CLHC1: variants seen among roughly 807,000 people sequenced by gnomAD.
CLHC1 encodes the protein clathrin heavy chain linker domain-containing protein 1.
A neutral mutation model predicts 69.5 loss-of-function variants in CLHC1; 72 were observed. That is an observed-to-expected ratio of 1.04 (90% CI 0.86 to 1.26). The LOEUF (loss-of-function observed/expected upper bound fraction) is 1.26. Among genes scored for constraint, CLHC1 ranks in the 50% most tolerant of loss-of-function variants. CLHC1 has a pLI of 0.00. For missense variants in CLHC1, 790 were observed against 679.3 expected, an observed-to-expected ratio of 1.16 and a Z score of -1.81; for synonymous variants, 223 against 224.3, an observed-to-expected ratio of 0.99 and a Z score of 0.05.
chr2:55,176,493 G>C (rs1243001821), intron 12 of CLHC1, among the ~76,000 whole-genome samples: 1 of 152,132 alleles, frequency 6.6e-6, no homozygotes, highest in Admixed American at 6.5e-5. Context: ...TCTAGCTGGA[G>C]AACTCTTAAT....
intron 9 of CLHC1, among the ~76,000 whole-genome samples, chr2:55,192,233 C>T (rs1318259761): frequency 6.6e-6 from 1 of 152,050 alleles, no homozygotes; most frequent in Non-Finnish European, 1.5e-5. Flanking sequence ...GATTCTCCTG[C>T]TTCAGCCTCC....
chr2:55,188,603 T>C (rs940342352), intron 9 of CLHC1, among the ~76,000 whole-genome samples: 2 of 152,300 alleles, frequency 1.3e-5, no homozygotes, highest in African/African-American at 4.8e-5. Flanking sequence ...CTTAGATACA[T>C]ATCCCAGAGA....
At chr2:55,191,034 C>T (rs1283866350) in intron 9 of CLHC1, among the ~76,000 whole-genome samples, 3 of 152,098 alleles carry the variant, frequency 2.0e-5, no homozygotes, top group Non-Finnish European at 4.4e-5. Context: ...TAACATTTCT[C>T]GGCAAAAGTA....
At chr2:55,193,585 G>C (rs528389420) in intron 9 of CLHC1, among the ~76,000 whole-genome samples, 2 of 152,184 alleles carry the variant, frequency 1.3e-5, no homozygotes, top group South Asian at 4.1e-4. Flanking sequence ...AAACCACAAT[G>C]AGATACCACT....
rs372967964 is a variant in CLHC1, at chr2:55,222,455, T to C, written c.-44A>G. On this transcript the variant is annotated 5_prime_UTR_variant, in exon 3 of 13. Transcript: ENST00000401408. ...TTGTTCACTGAAGAACAGCTAAATCTTGACCTGCTCTTGCAACAAAGCCAA... is the reference window on the plus strand; with the variant it reads ...TTGTTCACTGAAGAACAGCTAAATCCTGACCTGCTCTTGCAACAAAGCCAA... The C allele has an allele frequency of 2.0e-6, 3 of 1,504,478 alleles. No homozygotes were observed. Among genetic ancestry groups the C allele is most frequent in the Non-Finnish European group, 2.7e-6 (3 of 1,108,048 alleles). 93.2% of individuals were successfully genotyped at this position (1,504,478 alleles called of 1,614,324 possible).
At chr2:55,188,582 G>C (rs1172674838) in intron 9 of CLHC1, among the ~76,000 whole-genome samples, 1 of 152,062 alleles carries the variant, frequency 6.6e-6, no homozygotes, top group African/African-American at 2.4e-5. Context: ...TTATGACTCA[G>C]AGAGTTCAAT....
intron 9 of CLHC1, among the ~76,000 whole-genome samples, chr2:55,190,180 G>A (rs534723906): frequency 3.0e-3 from 462 of 151,930 alleles, no homozygotes; most frequent in Non-Finnish European, 5.0e-3. Context: ...GAGTAGCTGG[G>A]ACTACAGGCG....
intron 9 of CLHC1, among the ~76,000 whole-genome samples, chr2:55,188,506 T>C (rs1456027746): frequency 1.3e-5 from 2 of 152,174 alleles, no homozygotes. Flanking sequence ...ATTGGGAATA[T>C]AAATTAATAC....
At chr2:55,229,913 A>C (rs1267047576) in intron 1 of CLHC1, among the ~76,000 whole-genome samples, 1 of 152,216 alleles carries the variant, frequency 6.6e-6, no homozygotes, top group African/African-American at 2.4e-5. Flanking sequence ...GTCTCTGCTA[A>C]AAATACAAAA....
intron 9 of CLHC1, among the ~76,000 whole-genome samples, chr2:55,198,818 T>A (rs1225454012): frequency 6.6e-6 from 1 of 152,120 alleles, no homozygotes; most frequent in Admixed American, 6.5e-5. Context: ...GCAGCAGACA[T>A]TTTAGTGGAA....
chr2:55,208,681 C>T lies in CLHC1; in HGVS notation c.844G>A (p.Glu282Lys). 1.9e-6 allele frequency: 3 copies of T among 1,611,970 alleles called. No individual in the cohort carries two copies. The highest frequency in any genetic ancestry group is 2.5e-6 in the Non-Finnish European group (3 of 1,178,254). The change falls in exon 8 of 13, where the codon GAA (glutamate) becomes AAA (lysine). Residue 282 changes from glutamate (E) to lysine (K), a missense_variant. Physicochemically the swap from Glu to Lys is moderately conservative, Grantham distance 56. Transcript: ENST00000401408. ...TCTTTTGCCCTGCGTGGATCATCTT[C>T]CATTAGTTCTTCAACAATGCCTTGG... ...GDQGIVEELM[E>K]DDPRRAKEAE...
intron 2 of CLHC1, among the ~76,000 whole-genome samples, 199 bp from the exon 3 acceptor site, chr2:55,222,692 G>A (rs1388599960): frequency 6.6e-6 from 1 of 152,084 alleles, no homozygotes; most frequent in Non-Finnish European, 1.5e-5. Flanking sequence ...GGCCGAGGCA[G>A]GTGGATCATC....
At chr2:55,199,543 A>G (rs1355066469) in intron 9 of CLHC1, among the ~76,000 whole-genome samples, 2 of 152,158 alleles carry the variant, frequency 1.3e-5, no homozygotes. Flanking sequence ...TGACAGTACA[A>G]TAAGATATAG....
intron 9 of CLHC1, among the ~76,000 whole-genome samples, chr2:55,190,526 G>A (rs1670825742): frequency 6.6e-6 from 1 of 152,220 alleles, no homozygotes; most frequent in South Asian, 2.1e-4. Context: ...AGGAAAGATG[G>A]AATATGTTAA....
chr2:55,204,382 T>C (rs1488185006), intron 9 of CLHC1, among the ~76,000 whole-genome samples: 1 of 152,172 alleles, frequency 6.6e-6, no homozygotes, highest in Non-Finnish European at 1.5e-5. Flanking sequence ...CATTGATCAT[T>C]AGAGACATAC....
chr2:55,212,761 T>C lies in CLHC1; in HGVS notation c.411A>G (p.Ile137Met), dbSNP rs1673134944. Residue 137 changes from isoleucine to methionine, a missense_variant, in exon 5 of 13, where the codon ATA becomes ATG. Coordinates refer to ENST00000401408, the MANE Select transcript of CLHC1 (RefSeq NM_152385.4). ...CTGCCCTACACTGCTTGATGTGATC[T>C]ATTTGAGATTGAATCTTCGAGGAAT... The part of the protein sequence containing the change: ...ESNSSKIQSQ[I>M]DHIKQCRAEY... 1.3e-6 allele frequency: 2 copies of C among 1,599,972 alleles called. No individual in the cohort carries two copies. The highest frequency in any genetic ancestry group is 8.6e-7 in the Non-Finnish European group (1 of 1,167,202).
chr2:55,172,712 A>G lies in CLHC1; in HGVS notation c.*3078T>C, dbSNP rs1669060349. Reference sequence around the variant, plus strand: ...GAAATGTACAAAGTTAAAAAAAAAAAAAAAGGCCTCTGCTATGATTTTTGA... The same window carrying G: ...GAAATGTACAAAGTTAAAAAAAAAAGAAAAGGCCTCTGCTATGATTTTTGA... On this transcript the variant is annotated 3_prime_UTR_variant, in exon 13 of 13. Transcript: ENST00000401408. Among the ~76,000 whole-genome samples the G allele has an allele frequency of 6.6e-6, 1 of 151,614 alleles. No homozygotes were observed. The highest frequency in any genetic ancestry group is 2.4e-5 in the African/African-American group (1 of 41,410).
intron 9 of CLHC1, among the ~76,000 whole-genome samples, chr2:55,188,123 G>A (rs1670588483): frequency 6.6e-6 from 1 of 152,086 alleles, no homozygotes; most frequent in Non-Finnish European, 1.5e-5. Flanking sequence ...AGACCAGCCT[G>A]GGCAACATAG....
chr2:55,187,378 C>T (rs2103745339), intron 9 of CLHC1, among the ~76,000 whole-genome samples: 1 of 151,978 alleles, frequency 6.6e-6, no homozygotes, highest in Admixed American at 6.6e-5. Flanking sequence ...TTTGGGAGGC[C>T]AAGACAGGAA....
Sources: gnomAD v4.1 joint callset for allele counts (sites outside exome capture counted in the v4.1 genomes callset) on GRCh38, gnomAD v4.1.1 for gene constraint, MANE v1.5 for transcripts, NCBI Gene and HGNC (gene_info 2026-07-23, HGNC 2026-07-21) for gene names.